Variants in SGIP1 observed in about 807,000 individuals in gnomAD.
SGIP1 encodes SH3GL interacting endocytic adaptor 1.
SGIP1 carries 38 observed loss-of-function variants against 107.5 expected under a neutral mutation model. The ratio of observed to expected loss-of-function variants is 0.35; its 90% confidence interval spans 0.27 to 0.46. SGIP1 has a LOEUF of 0.46. SGIP1 is among the 20% of genes least tolerant of loss of function. The pLI is 1.00. For synonymous variants in SGIP1, 365 were observed against 366.1 expected (o/e 1.00, Z 0.03); for missense variants, 929 against 1,019.5 (o/e 0.91, Z 1.21).
In SGIP1 at chr1:66,746,929, A is replaced by G. The variant is rs537084105; in HGVS notation, c.*3834A>G. ...ATATGATTGGTATCATCACTTATTAATGTTTTGTATCATCACTTATTAATG... is the reference window on the plus strand; with the variant it reads ...ATATGATTGGTATCATCACTTATTAGTGTTTTGTATCATCACTTATTAATG... On this transcript the variant is annotated 3_prime_UTR_variant, in exon 25 of 25. Transcript: ENST00000371037. The G allele has an allele frequency of 6.6e-6, 1 of 152,246 alleles. No homozygotes were observed. Among genetic ancestry groups the G allele is most frequent in the South Asian group, 2.1e-4 (1 of 4,830 alleles). The allele number at this position is 152,246 out of a possible 1,614,324, so 9.4% of individuals were successfully genotyped here.
intron 1 of SGIP1, among the ~76,000 whole-genome samples, chr1:66,595,500 C>T (rs1205850593): frequency 1.3e-5 from 2 of 152,120 alleles, no homozygotes; most frequent in East Asian, 1.9e-4. Flanking sequence ...CAAGTTTTCA[C>T]CATAATAAGG....
intron 1 of SGIP1, among the ~76,000 whole-genome samples, chr1:66,547,548 G>A (rs1202844005): frequency 6.6e-6 from 1 of 152,076 alleles, no homozygotes; most frequent in Non-Finnish European, 1.5e-5. Flanking sequence ...GTTCAAGTTG[G>A]CACAATGAAG....
chr1:66,648,392 G>GTGAA (rs2078049901), intron 7 of SGIP1, among the ~76,000 whole-genome samples: 1 of 151,872 alleles, frequency 6.6e-6, no homozygotes, highest in Non-Finnish European at 1.5e-5. Context: ...TTGCAAGTGA[G>GTGAA]TGAGTGAGTG....
chr1:66,601,029 G>A (rs2065693825), intron 1 of SGIP1, among the ~76,000 whole-genome samples: 1 of 152,136 alleles, frequency 6.6e-6, no homozygotes, highest in African/African-American at 2.4e-5. Flanking sequence ...AACACAGATT[G>A]TAGTGCTTCG....
At chr1:66,718,940 A>G (rs2093388265) in intron 18 of SGIP1, among the ~76,000 whole-genome samples, 1 of 152,150 alleles carries the variant, frequency 6.6e-6, no homozygotes, top group African/African-American at 2.4e-5. Flanking sequence ...CAAATAGGAA[A>G]CTAATAACTG....
At chr1:66,534,915 G>A (rs2053231018) in intron 1 of SGIP1, among the ~76,000 whole-genome samples, 1 of 152,184 alleles carries the variant, frequency 6.6e-6, no homozygotes, top group East Asian at 1.9e-4. Context: ...GTAGTTGTAT[G>A]AGAATGTCAT....
At chr1:66,730,078 A>G (rs2093940120) in intron 20 of SGIP1, among the ~76,000 whole-genome samples, 1 of 152,220 alleles carries the variant, frequency 6.6e-6, no homozygotes, top group Non-Finnish European at 1.5e-5. Flanking sequence ...CTGGGATTAC[A>G]GCCATGAGCC....
intron 1 of SGIP1, among the ~76,000 whole-genome samples, chr1:66,549,611 C>T (rs545386444): frequency 6.6e-6 from 1 of 152,250 alleles, no homozygotes; most frequent in African/African-American, 2.4e-5. Context: ...ATTACCACTG[C>T]CATTGGCATT....
chr1:66,608,389 T>G (rs905118707), intron 1 of SGIP1, among the ~76,000 whole-genome samples: 2 of 152,264 alleles, frequency 1.3e-5, no homozygotes, highest in African/African-American at 4.8e-5. Context: ...TGTATATATA[T>G]TCTTGCTAAT....
chr1:66,718,281 CA>C, intron 18 of SGIP1, among the ~76,000 whole-genome samples: 1 of 151,572 alleles, frequency 6.6e-6, no homozygotes. Context: ...TGAGTATTAC[CA>C]AAACTTCACT....
At chr1:66,715,568 T>C (rs985829561) in intron 18 of SGIP1, among the ~76,000 whole-genome samples, 2 of 152,090 alleles carry the variant, frequency 1.3e-5, no homozygotes, top group African/African-American at 4.8e-5. Context: ...GTCTCTGACT[T>C]GTGGTTGTGT....
Position 66,585,551 on chromosome 1 carries a change from T to C in SGIP1, c.11-40296T>C, listed in dbSNP as rs191372128. Among the ~76,000 whole-genome samples, 22 of 146,518 alleles carry C rather than the reference T, an allele frequency of 1.5e-4. No individual in the cohort carries two copies. In the East Asian group the frequency reaches 3.5e-3, roughly 23 times the overall value. On this transcript the variant is annotated intron_variant, in intron 1 of 24. Coordinates refer to ENST00000371037, the MANE Select transcript of SGIP1 (RefSeq NM_032291.4). ...ATGGGCAGTGCTATTTTGAGAAAAA[T>C]TAAAAAGAGCTTTGGAGTTTGTGTG...
At chr1:66,676,137 C>A (rs1239765227) in intron 12 of SGIP1, among the ~76,000 whole-genome samples, 1 of 152,170 alleles carries the variant, frequency 6.6e-6, no homozygotes, top group African/African-American at 2.4e-5. Flanking sequence ...TCTAAGGTTG[C>A]TTTTATTATC....
chr1:66,692,449 C>T (rs984411034), intron 17 of SGIP1, among the ~76,000 whole-genome samples: 1 of 152,176 alleles, frequency 6.6e-6, no homozygotes, highest in East Asian at 1.9e-4. Flanking sequence ...CCTCCTGCCT[C>T]GTCTTTTCAC....
intron 1 of SGIP1, among the ~76,000 whole-genome samples, chr1:66,563,034 GA>G (rs1454585546): frequency 6.6e-6 from 1 of 151,232 alleles, no homozygotes; most frequent in Admixed American, 6.6e-5. Flanking sequence ...AGAAATTGAA[GA>G]AAAAAACAGG....
rs77395636 is a variant in SGIP1 at position 66,711,711 on chromosome 1, G to C, written c.1631-7583G>C. Among the ~76,000 whole-genome samples the C allele has an allele frequency of 7.8e-3, 1,183 of 152,226 alleles. 4 individuals are homozygous for C. Among genetic ancestry groups the C allele is most frequent in the Non-Finnish European group, 0.013 (878 of 67,988 alleles). On this transcript the variant is annotated intron_variant, in intron 18 of 24. Transcript: ENST00000371037. ...GCCTGCAGCAGATCTGGTAGGGTGG[G>C]CAGTTGTTTGGCCTGATAGCCTGCA...
intron 1 of SGIP1, among the ~76,000 whole-genome samples, chr1:66,617,801 C>G (rs919933641): frequency 2.0e-5 from 3 of 152,148 alleles, no homozygotes; most frequent in Non-Finnish European, 1.5e-5. Context: ...AAGAAATGTG[C>G]AGCCTAACTT....
intron 21 of SGIP1, among the ~76,000 whole-genome samples, 162 bp downstream of exon 21, chr1:66,734,042 T>C (rs2094129077): frequency 6.6e-6 from 1 of 152,194 alleles, no homozygotes; most frequent in Admixed American, 6.5e-5. Context: ...ACTTGGGGAC[T>C]ACTGACAAAA....
intron 1 of SGIP1, among the ~76,000 whole-genome samples, chr1:66,576,264 T>C (rs1432560394): frequency 6.6e-6 from 1 of 152,108 alleles, no homozygotes; most frequent in African/African-American, 2.4e-5. Context: ...GAGGAAAAAA[T>C]TGGAAAATCT....
Sources: allele counts gnomAD v4.1 joint callset (sites outside exome capture counted in the v4.1 genomes callset), GRCh38; gene constraint gnomAD v4.1.1; transcripts MANE v1.5; gene names NCBI Gene and HGNC (gene_info 2026-07-23, HGNC 2026-07-21).